The following GIGYF2 variants were observed in gnomAD, a reference collection of about 807,000 sequenced individuals.
GIGYF2 encodes GRB10 interacting GYF protein 2.
Under a neutral mutation model 208.1 loss-of-function variants are expected in GIGYF2, and 25 were observed. The observed-to-expected ratio is 0.12, with a 90% CI of 0.09 to 0.17. The LOEUF is 0.17. Ranked by LOEUF, GIGYF2 falls within the 10% of genes least tolerant of loss-of-function variation. The probability of loss-of-function intolerance (pLI) is 1.00; values close to 1 mark genes in which losing one functional copy is unlikely to be tolerated. For synonymous variants in GIGYF2, 534 were observed against 543.8 expected, an observed-to-expected ratio of 0.98 and a Z score of 0.25; for missense variants, 1,302 against 1,579.4, an observed-to-expected ratio of 0.82 and a Z score of 2.98.
At chr2:232,730,673 CG>C (rs1396881230) in intron 2 of GIGYF2, among the ~76,000 whole-genome samples, 1 of 145,194 alleles carries the variant, frequency 6.9e-6, no homozygotes, top group East Asian at 2.1e-4. Context: ...CCGAGGCGGG[CG>C]GATCACGAGG....
Position 232,747,756 on chromosome 2 carries a change from G to T in GIGYF2, c.171+12G>T. The T allele has an allele frequency of 6.2e-7, 1 of 1,612,086 alleles. No homozygotes were observed. The highest frequency in any genetic ancestry group is 8.5e-7 in the Non-Finnish European group (1 of 1,178,714). On this transcript the variant is annotated intron_variant, in intron 4 of 28. Coordinates refer to ENST00000373563, the MANE Select transcript of GIGYF2 (RefSeq NM_001103146.3). ...TTAAAGACAACAAGGTAAGAAAGTA[G>T]GAAAAGAGTTCAAAATTGTGAATGA...
At chr2:232,698,917 T>A (rs1450288207) in intron 1 of GIGYF2, among the ~76,000 whole-genome samples, 1 of 152,216 alleles carries the variant, frequency 6.6e-6, no homozygotes, top group Non-Finnish European at 1.5e-5. Flanking sequence ...TATTCATTCA[T>A]ACATTCATTT....
chr2:232,735,839 C>T, intron 3 of GIGYF2: 1 of 985,380 alleles, frequency 1.0e-6, no homozygotes, highest in Non-Finnish European at 1.2e-6. Flanking sequence ...TCCCCCCCTC[C>T]CCTCCTTCCT....
At chr2:232,855,744 T>A (rs1001654863) in intron 28 of GIGYF2, among the ~76,000 whole-genome samples, 4 of 152,114 alleles carry the variant, frequency 2.6e-5, no homozygotes, top group African/African-American at 9.7e-5. Flanking sequence ...AGTTATGTGG[T>A]CAAGTAGTTA....
chr2:232,748,574 A>G (rs986266363), intron 4 of GIGYF2, among the ~76,000 whole-genome samples: 3 of 152,142 alleles, frequency 2.0e-5, no homozygotes, highest in Non-Finnish European at 4.4e-5. Context: ...CGTGAGCCAC[A>G]ATGCCCCACC....
intron 18 of GIGYF2, 25 bp from the exon 19 acceptor site, chr2:232,815,612 C>A: frequency 8.3e-7 from 1 of 1,204,994 alleles, no homozygotes; most frequent in South Asian, 1.2e-5. Flanking sequence ...TGTCATTCCT[C>A]GTTGTTTCTT....
chr2:232,711,329 C>T (rs946368453), intron 2 of GIGYF2, among the ~76,000 whole-genome samples: 2 of 129,692 alleles, frequency 1.5e-5, no homozygotes, highest in African/African-American at 5.7e-5. Flanking sequence ...ATTTTTTCTT[C>T]TTTCTCTGAG....
intron 18 of GIGYF2, among the ~76,000 whole-genome samples, chr2:232,813,775 G>A (rs1700817540): frequency 6.6e-6 from 1 of 151,906 alleles, no homozygotes. Flanking sequence ...TTATAGTTAG[G>A]ATGTTAAGAA....
At chr2:232,836,831 G>A (rs1205546640) in intron 22 of GIGYF2, among the ~76,000 whole-genome samples, 1 of 152,056 alleles carries the variant, frequency 6.6e-6, no homozygotes, top group South Asian at 2.1e-4. Context: ...AACACCATTA[G>A]GCTTGAACTC....
intron 14 of GIGYF2, among the ~76,000 whole-genome samples, chr2:232,802,257 AGTT>A (rs1283824464): frequency 3.3e-5 from 5 of 151,664 alleles, no homozygotes; most frequent in Non-Finnish European, 5.9e-5. Flanking sequence ...TTTCTTGCCC[AGTT>A]GTTCTGACTA....
Position 232,812,437 on chromosome 2 carries a change from G to A in GIGYF2, c.2053G>A (p.Val685Met), listed in dbSNP as rs576903915. The A allele has an allele frequency of 1.9e-5, 30 of 1,556,146 alleles. No homozygotes were observed. The highest frequency in any genetic ancestry group is 3.4e-4 in the Middle Eastern group (2 of 5,964). The change falls in exon 18 of 29, where the codon GTG becomes ATG. Residue 685 changes from valine (V) to methionine (M), a missense_variant. Coordinates refer to ENST00000373563, the MANE Select transcript of GIGYF2 (RefSeq NM_001103146.3). Reference protein sequence around the residue: ...IIPSVTRSVSVPDTGSIWELQ... With the variant: ...IIPSVTRSVSMPDTGSIWELQ... Reference sequence around the variant, plus strand: ...TCCCTCAGTAACTAGGTCTGTGTCCGTGCCAGATACTGGCTCTATCTGGGA... The same window carrying A: ...TCCCTCAGTAACTAGGTCTGTGTCCATGCCAGATACTGGCTCTATCTGGGA...
intron 22 of GIGYF2, among the ~76,000 whole-genome samples, chr2:232,837,843 C>T (rs1219334083): frequency 6.6e-6 from 1 of 152,042 alleles, no homozygotes; most frequent in Non-Finnish European, 1.5e-5. Flanking sequence ...GCTGTCATTC[C>T]GACAGTGAAA....
In GIGYF2 at chr2:232,819,997, G is replaced by GT; in HGVS notation, c.2529+16dup. 6.2e-7 allele frequency: 1 copy of GT among 1,613,076 alleles called. No homozygotes were observed. Among genetic ancestry groups the GT allele is most frequent in the South Asian group, 1.1e-5 (1 of 91,066 alleles). Reference sequence around the variant, plus strand: ...TGTTACGCAAACAGGTGACCAGATGGTTTTGTCTTCTAATTGTTCCTTTGA... The same window carrying GT: ...TGTTACGCAAACAGGTGACCAGATGGTTTTTGTCTTCTAATTGTTCCTTTGA... On this transcript the variant is annotated intron_variant, in intron 21 of 28. Transcript: ENST00000373563.
chr2:232,760,683 A>G lies in GIGYF2; in HGVS notation c.491+92A>G, dbSNP rs564183763. The G allele has an allele frequency of 5.2e-5, 40 of 775,522 alleles. No homozygotes were observed. The African/African-American group carries it at 5.9e-4, about 11-fold the overall frequency. The allele number at this position is 775,522 out of a possible 1,614,324, so 48.0% of individuals were successfully genotyped here. On this transcript the variant is annotated intron_variant, in intron 7 of 28. Transcript: ENST00000373563. ...CGGGGAGAAATGTTTTTGTACAGTT[A>G]AAGGGTTTCATTTTAAAAAATGCTC...
Position 232,703,793 on chromosome 2 carries a change from G to C in GIGYF2, c.-44+304G>C, listed in dbSNP as rs535093881. Among the ~76,000 whole-genome samples the C allele has an allele frequency of 1.1e-4, 17 of 152,298 alleles. No individual in the cohort carries two copies. The South Asian group carries it at 2.9e-3, about 26-fold the overall frequency. The stretch of plus-strand genomic sequence containing the variant: ...CCAAAGAGCAGTTGACTTCATGAGG[G>C]ACATGAACCAGAAACTGGGAAGCTT... On this transcript the variant is annotated intron_variant, in intron 2 of 28. Coordinates refer to ENST00000373563, the MANE Select transcript of GIGYF2 (RefSeq NM_001103146.3).
rs202042614 is a variant in GIGYF2, at chr2:232,850,243, C to G, written c.3685-19C>G. On this transcript the variant is annotated intron_variant, in intron 27 of 28. Transcript: ENST00000373563. Reference sequence around the variant, plus strand: ...TCTGAATCTGCTGTGTAATCTCAGTCATGCTGCTTATTTCACAGGACTCTG... The same window carrying G: ...TCTGAATCTGCTGTGTAATCTCAGTGATGCTGCTTATTTCACAGGACTCTG... 1,043 of 1,608,898 alleles carry G rather than the reference C, an allele frequency of 6.5e-4. No homozygotes were observed. Among genetic ancestry groups the G allele is most frequent in the Middle Eastern group, 8.3e-4 (5 of 6,056 alleles).
At chr2:232,755,827 T>C (rs28550401) in intron 5 of GIGYF2, among the ~76,000 whole-genome samples, 7,069 of 152,276 alleles carry the variant, frequency 0.046, 599 homozygotes, top group African/African-American at 0.16. Flanking sequence ...TCATTTCCAC[T>C]TTTCACCAGT....
chr2:232,855,675 A>G (rs1460785378), intron 28 of GIGYF2, among the ~76,000 whole-genome samples: 1 of 152,184 alleles, frequency 6.6e-6, no homozygotes, highest in Non-Finnish European at 1.5e-5. Context: ...GGTGGGAAGA[A>G]GTATTCCCAT....
At chr2:232,728,984 T>A (rs1697332496) in intron 2 of GIGYF2, among the ~76,000 whole-genome samples, 1 of 151,606 alleles carries the variant, frequency 6.6e-6, no homozygotes, top group Non-Finnish European at 1.5e-5. Flanking sequence ...CTTCTCTTTT[T>A]CTTTTCATTT....
Sources: gnomAD v4.1 joint callset for allele counts (sites outside exome capture counted in the v4.1 genomes callset) on GRCh38, gnomAD v4.1.1 for gene constraint, MANE v1.5 for transcripts, NCBI Gene and HGNC (gene_info 2026-07-23, HGNC 2026-07-21) for gene names.